ANKIB1: variants seen among roughly 807,000 people sequenced by gnomAD.
ANKIB1 encodes the protein ankyrin repeat and IBR domain containing 1, also known as ankyrin repeat and IBR domain-containing protein 1.
In ANKIB1, 43 loss-of-function variants were observed where a neutral mutation model predicts 122.1. The ratio of observed to expected loss-of-function variants is 0.35; its 90% CI spans 0.28 to 0.45. ANKIB1 has a LOEUF of 0.45. Ranked by LOEUF, ANKIB1 falls within the 20% of genes least tolerant of loss-of-function variation. The pLI is 1.00. For synonymous variants in ANKIB1, 390 were observed against 442.0 expected (o/e 0.88, Z 1.48); for missense variants, 992 against 1,329.5 (o/e 0.75, Z 3.95).
At chr7:92,392,375 C>G in intron 17 of ANKIB1, 83 bp downstream of exon 17, 3 of 1,235,150 alleles carry the variant, frequency 2.4e-6, no homozygotes, top group Non-Finnish European at 3.5e-6. Flanking sequence ...TATTCTAAAT[C>G]CTTCTGAGAT....
chr7:92,354,021 TTTGA>T (rs1411800210), intron 9 of ANKIB1, among the ~76,000 whole-genome samples: 5 of 152,224 alleles, frequency 3.3e-5, no homozygotes, highest in Admixed American at 2.0e-4. Flanking sequence ...AAGAAGAAAC[TTTGA>T]TTGGCATTGT....
intron 1 of ANKIB1, among the ~76,000 whole-genome samples, chr7:92,291,125 C>G (rs1195617688): frequency 1.3e-5 from 2 of 152,070 alleles, no homozygotes; most frequent in Non-Finnish European, 2.9e-5. Flanking sequence ...GAAACCCCGT[C>G]TCTACTAAAA....
chr7:92,281,488 C>A (rs1273478667), intron 1 of ANKIB1, among the ~76,000 whole-genome samples: 5 of 152,122 alleles, frequency 3.3e-5, no homozygotes, highest in Non-Finnish European at 7.4e-5. Flanking sequence ...AACTCTTTTC[C>A]ATATAATAAA....
At chr7:92,387,754 C>A in intron 12 of ANKIB1, 44 bp from the exon 13 acceptor site, 2 of 1,451,286 alleles carry the variant, frequency 1.4e-6, no homozygotes, top group Non-Finnish European at 1.9e-6. Context: ...ATTTTAGTAG[C>A]TACTAGTTTT....
chr7:92,332,587 C>G (rs909700954), intron 5 of ANKIB1, among the ~76,000 whole-genome samples: 26 of 152,050 alleles, frequency 1.7e-4, no homozygotes, highest in Non-Finnish European at 3.2e-4. Context: ...TTGAATATTA[C>G]CTAATGAAAA....
chr7:92,345,965 A>G (rs986128557), intron 7 of ANKIB1, among the ~76,000 whole-genome samples: 4 of 152,256 alleles, frequency 2.6e-5, no homozygotes, highest in South Asian at 2.1e-4. Flanking sequence ...AAATAATTTG[A>G]TAAGCTTTGA....
At chr7:92,395,538 C>CTTT (rs35028119) in intron 17 of ANKIB1, among the ~76,000 whole-genome samples, 164 of 108,302 alleles carry the variant, frequency 1.5e-3, no homozygotes, top group Non-Finnish European at 2.6e-3. Flanking sequence ...ATCCCAGTCA[C>CTTT]TTTTTTTTTT....
intron 3 of ANKIB1, among the ~76,000 whole-genome samples, chr7:92,314,069 G>A (rs1023606818): frequency 6.6e-5 from 10 of 152,026 alleles, no homozygotes; most frequent in Non-Finnish European, 1.0e-4. Context: ...TGGCCGAGGC[G>A]GGAGCGTATC....
intron 2 of ANKIB1, among the ~76,000 whole-genome samples, chr7:92,295,733 A>G (rs1053783140): frequency 6.6e-6 from 1 of 152,204 alleles, no homozygotes; most frequent in Non-Finnish European, 1.5e-5. Flanking sequence ...ACATTTTCTT[A>G]AAACTGAAAA....
chr7:92,351,304 G>T (rs1015317953), intron 8 of ANKIB1, among the ~76,000 whole-genome samples: 9 of 152,104 alleles, frequency 5.9e-5, no homozygotes, highest in African/African-American at 2.2e-4. Flanking sequence ...AAGGGGAAAG[G>T]CTAAAGTACT....
At chr7:92,396,141 C>A in intron 17 of ANKIB1, 1 of 520,120 alleles carries the variant, frequency 1.9e-6, no homozygotes, top group Non-Finnish European at 3.4e-6. Context: ...TGCAAGTATT[C>A]CTAATTTATC....
intron 2 of ANKIB1, among the ~76,000 whole-genome samples, chr7:92,299,564 A>G (rs1309322551): frequency 4.6e-5 from 7 of 152,128 alleles, no homozygotes; most frequent in Admixed American, 4.6e-4. Context: ...TAAAGGCTGG[A>G]TTTTCTTTAT....
At chr7:92,383,508 C>G (rs558956771) in intron 11 of ANKIB1, among the ~76,000 whole-genome samples, 17 of 152,034 alleles carry the variant, frequency 1.1e-4, no homozygotes, top group Non-Finnish European at 2.1e-4. Flanking sequence ...ACTGGCAAAC[C>G]AAATCCAGCA....
At chr7:92,385,552 TA>T (rs1318087467) in intron 11 of ANKIB1, among the ~76,000 whole-genome samples, 14 of 152,244 alleles carry the variant, frequency 9.2e-5, no homozygotes, top group African/African-American at 1.4e-4. Flanking sequence ...TATGTAGCCA[TA>T]AAAAAAGATG....
intron 7 of ANKIB1, among the ~76,000 whole-genome samples, chr7:92,347,036 TCA>T (rs1461008995): frequency 2.0e-5 from 3 of 152,244 alleles, no homozygotes; most frequent in African/African-American, 7.2e-5. Context: ...TTTTTAATTA[TCA>T]CAGTGTTTTT....
At chr7:92,272,768 T>C (rs1456218795) in intron 1 of ANKIB1, among the ~76,000 whole-genome samples, 1 of 152,100 alleles carries the variant, frequency 6.6e-6, no homozygotes, top group Non-Finnish European at 1.5e-5. Flanking sequence ...GGGGATACAT[T>C]TTGAGAAATA....
At chr7:92,299,255 T>G (rs994364505) in intron 2 of ANKIB1, among the ~76,000 whole-genome samples, 3 of 152,218 alleles carry the variant, frequency 2.0e-5, no homozygotes, top group Non-Finnish European at 4.4e-5. Flanking sequence ...CTTTTTATAT[T>G]GTTTAATGAA....
chr7:92,387,702 C>A, intron 12 of ANKIB1, 96 bp from the exon 13 acceptor site: 1 of 798,288 alleles, frequency 1.3e-6, no homozygotes, highest in Non-Finnish European at 2.0e-6. Context: ...TGCACTACTA[C>A]CTATCACTAA....
rs1308593230 is a variant in ANKIB1 at position 92,246,386 on chromosome 7, G to T, written c.-224G>T. The T allele has an allele frequency of 8.1e-6, 4 of 491,104 alleles. No individual in the cohort carries two copies. Among genetic ancestry groups the T allele is most frequent in the Admixed American group, 6.4e-5 (3 of 47,226 alleles). 30.4% of individuals were successfully genotyped at this position (491,104 alleles called of 1,614,324 possible). A position where few individuals can be genotyped will look rare whatever the true frequency, so the allele number is the denominator to read the frequency against. On this transcript the variant is annotated 5_prime_UTR_variant, in exon 1 of 20. Coordinates refer to ENST00000265742, the MANE Select transcript of ANKIB1 (RefSeq NM_019004.2). ...GGGTGCACCCGGGCCGGCGAGGAAGGGGCAACCGTCCGGGTGGGTGGGGCG... is the reference window on the plus strand; with the variant it reads ...GGGTGCACCCGGGCCGGCGAGGAAGTGGCAACCGTCCGGGTGGGTGGGGCG...
Sources: allele counts gnomAD v4.1 joint callset (sites outside exome capture counted in the v4.1 genomes callset), GRCh38; gene constraint gnomAD v4.1.1; transcripts MANE v1.5; gene names NCBI Gene and HGNC (gene_info 2026-07-23, HGNC 2026-07-21).